FRMD7: variants seen among roughly 807,000 people sequenced by gnomAD.
The protein encoded by FRMD7 is FERM domain-containing protein 7.
FRMD7 carries 14 observed loss-of-function variants against 44.1 expected under a neutral mutation model. The observed-to-expected ratio is 0.32, with a 90% CI of 0.21 to 0.50. FRMD7 has a LOEUF of 0.50. Among genes scored for constraint, FRMD7 ranks in the 20% least tolerant of loss-of-function variants. FRMD7 has a pLI of 0.99. For synonymous variants in FRMD7, 212 were observed against 187.4 expected, an observed-to-expected ratio of 1.13 and a Z score of -1.07; for missense variants, 501 against 522.3, an observed-to-expected ratio of 0.96 and a Z score of 0.40.
chrX:132,118,333 G>C (rs558927629), intron 1 of FRMD7, among the ~76,000 whole-genome samples: 40 of 110,846 alleles, frequency 3.6e-4, no homozygotes, highest in African/African-American at 1.3e-3. Flanking sequence ...GCTAAAACCA[G>C]GTTCTTGTCA....
chrX:132,117,784 C>T (rs1928938274), intron 1 of FRMD7, among the ~76,000 whole-genome samples: 1 of 111,679 alleles, frequency 9.0e-6, no homozygotes, highest in South Asian at 3.8e-4. Context: ...ATGAAACTAC[C>T]TTGTTGGACA....
chrX:132,123,133 CCTA>C (rs1350469103), intron 1 of FRMD7, among the ~76,000 whole-genome samples: 1 of 111,195 alleles, frequency 9.0e-6, no homozygotes, highest in Non-Finnish European at 1.9e-5. Context: ...CTTCTTAACT[CCTA>C]CTCAGCAACT....
chrX:132,092,673 T>A (rs937836354), intron 5 of FRMD7, among the ~76,000 whole-genome samples: 11 of 111,746 alleles, frequency 9.8e-5, no homozygotes, highest in African/African-American at 3.3e-4. Context: ...CTGTTAAGAA[T>A]GAAATTGAGC....
chrX:132,078,098 C>T lies in FRMD7; in HGVS notation c.1919G>A (p.Ser640Asn). The T allele has an allele frequency of 2.5e-6, 3 of 1,211,510 alleles. No homozygotes were observed. The highest frequency in any genetic ancestry group is 3.4e-6 in the Non-Finnish European group (3 of 895,172). The change falls in exon 12 of 12, where the codon AGT becomes AAT. Residue 640 changes from serine to asparagine, a missense_variant. Ser to Asn is a conservative substitution (Grantham distance 46). Around this residue, in one of 3 missense-constraint regions of FRMD7, gnomAD observed 453 missense variants for 452.7 expected, o/e 1.00. Coordinates refer to ENST00000298542, the MANE Select transcript of FRMD7 (RefSeq NM_194277.3). The part of the protein sequence containing the change: ...QELPAVLMDQ[S>N]TAERYVASES... ...ACTAGCTACATACCTTTCTGCTGTA[C>T]TTTGATCCATTAGAACTGCTGGCAA...
At chrX:132,122,194 G>A (rs948869562) in intron 1 of FRMD7, among the ~76,000 whole-genome samples, 3 of 111,956 alleles carry the variant, frequency 2.7e-5, no homozygotes, top group Non-Finnish European at 3.8e-5. Context: ...TTTGTGTCAG[G>A]AACCTTATCC....
chrX:132,095,061 TA>T (rs1272187934), intron 4 of FRMD7, among the ~76,000 whole-genome samples: 5 of 22,590 alleles, frequency 2.2e-4, no homozygotes, highest in Non-Finnish European at 2.9e-4. Flanking sequence ...TCCAATATTT[TA>T]TTTATTTATT....
At chrX:132,096,195 A>G (rs1928328384) in intron 4 of FRMD7, among the ~76,000 whole-genome samples, 1 of 111,852 alleles carries the variant, frequency 8.9e-6, no homozygotes, top group African/African-American at 3.3e-5. Flanking sequence ...AAAGACAGAA[A>G]GAGAGGCTTG....
chrX:132,127,537 A>T (rs180713738), intron 1 of FRMD7, among the ~76,000 whole-genome samples: 5 of 112,483 alleles, frequency 4.4e-5, no homozygotes, highest in Admixed American at 3.8e-4. Context: ...TTTTGCAAAT[A>T]GTTATCCTGT....
At chrX:132,097,150 A>G in intron 4 of FRMD7, 116 bp downstream of exon 4, 3 of 591,892 alleles carry the variant, frequency 5.1e-6, no homozygotes, top group Non-Finnish European at 9.0e-6. Context: ...ACCATCTCCC[A>G]GACAGTGACT....
At chrX:132,110,510 G>C (rs768024695) in intron 1 of FRMD7, among the ~76,000 whole-genome samples, 1 of 111,433 alleles carries the variant, frequency 9.0e-6, no homozygotes, top group Non-Finnish European at 1.9e-5. Context: ...AAGGGTTTGC[G>C]TCCATCATCG....
At chrX:132,098,324 C>T (rs993074008) in intron 3 of FRMD7, among the ~76,000 whole-genome samples, 1 of 112,386 alleles carries the variant, frequency 8.9e-6, no homozygotes, top group African/African-American at 3.2e-5. Context: ...GGTAGGAATA[C>T]GAGGTAGCTA....
At chrX:132,097,198 C>T in intron 4 of FRMD7, 68 bp downstream of exon 4, 1 of 803,164 alleles carries the variant, frequency 1.2e-6, no homozygotes, top group Admixed American at 2.2e-5. Flanking sequence ...GAAGCACTTG[C>T]CCCCAATAAA....
chrX:132,085,830 T>G, intron 6 of FRMD7, 90 bp downstream of exon 6: 1 of 1,036,782 alleles, frequency 9.6e-7, no homozygotes, highest in Middle Eastern at 2.5e-4. Context: ...AGCCTGAAAC[T>G]TCTCAGGTTT....
intron 1 of FRMD7, among the ~76,000 whole-genome samples, chrX:132,114,290 C>T (rs916854264): frequency 2.7e-5 from 3 of 111,530 alleles, no homozygotes; most frequent in Non-Finnish European, 5.7e-5. Flanking sequence ...CCATGAAAGC[C>T]AGCATATTAG....
Position 132,127,412 on chromosome X carries a change from C to T in FRMD7, c.57+376G>A, listed in dbSNP as rs759308113. Among the ~76,000 whole-genome samples the T allele has an allele frequency of 1.9e-4, 21 of 112,026 alleles. No individual in the cohort carries two copies. In the Admixed American group the frequency reaches 2.0e-3, roughly 11 times the overall value. ...GAGGATAGCTTCCCCCACTCCTTTC[C>T]CTCAGAACAACAGTTTTCTCCCCAC... On this transcript the variant is annotated intron_variant, in intron 1 of 11. Coordinates refer to ENST00000298542, the MANE Select transcript of FRMD7 (RefSeq NM_194277.3).
chrX:132,120,430 C>T (rs768521226), intron 1 of FRMD7, among the ~76,000 whole-genome samples: 3 of 112,979 alleles, frequency 2.7e-5, no homozygotes, highest in East Asian at 2.8e-4. Context: ...GGTGAAGAGG[C>T]GGCAAGGCCC....
intron 1 of FRMD7, among the ~76,000 whole-genome samples, chrX:132,125,642 G>A (rs1929137912): frequency 8.9e-6 from 1 of 111,813 alleles, no homozygotes; most frequent in African/African-American, 3.3e-5. Flanking sequence ...TGACCTTGAG[G>A]GAACACTGTC....
chrX:132,087,594 T>A (rs183649203), intron 5 of FRMD7, among the ~76,000 whole-genome samples: 633 of 111,957 alleles, frequency 5.7e-3, no homozygotes, highest in Middle Eastern at 0.037. Flanking sequence ...AAGGCTCTGA[T>A]GGTTTCACTG....
intron 1 of FRMD7, among the ~76,000 whole-genome samples, chrX:132,104,295 C>T (rs1292032048): frequency 9.2e-6 from 1 of 108,892 alleles, no homozygotes; most frequent in South Asian, 3.9e-4. Flanking sequence ...TTACTCTGTA[C>T]GTGTCTGAAT....
Sources: gnomAD v4.1 joint callset for allele counts (sites outside exome capture counted in the v4.1 genomes callset) on GRCh38, gnomAD v4.1.1 for gene constraint, gnomAD v4.1.1 regional missense constraint, MANE v1.5 for transcripts, NCBI Gene and HGNC (gene_info 2026-07-23, HGNC 2026-07-21) for gene names.